The following CDKN2B-AS1 variants were observed in gnomAD, a reference collection of about 807,000 sequenced individuals.
CDKN2B-AS1 encodes CDKN2B and CDKN2A antisense cis and trans regulatory RNA 1, also known as CDKN2B antisense RNA 1 (non-protein coding).
chr9:22,002,995 G>C (rs930738752), intron 1 of CDKN2B-AS1: 2 of 201,926 alleles, frequency 9.9e-6, no homozygotes, highest in East Asian at 1.5e-4. Context: ...TAATGTCTTA[G>C]GTTTAGATAC....
intron 1 of CDKN2B-AS1, among the ~76,000 whole-genome samples, chr9:22,043,139 A>T (rs967480631): frequency 1.3e-5 from 2 of 152,086 alleles, no homozygotes; most frequent in Non-Finnish European, 2.9e-5. Context: ...AGCCATATCA[A>T]TTATTCATTT....
rs111264236 is a variant in CDKN2B-AS1 at position 22,078,743 on chromosome 9, C to T, written n.438+22356C>T. ...GTTTTTAAAATAACTGATTTCCCTT[C>T]AAAATCTTCTTCATTAGGAGTAAAA... On this transcript the variant is annotated intron_variant and non_coding_transcript_variant, in intron 4 of 4. Coordinates refer to ENST00000650946, the Ensembl canonical transcript of CDKN2B-AS1. Among the ~76,000 whole-genome samples the T allele has an allele frequency of 9.0e-3, 1,374 of 152,284 alleles. 19 individuals are homozygous for T. Among genetic ancestry groups the T allele is most frequent in the Non-Finnish European group, 0.012 (784 of 68,018 alleles).
At chr9:21,998,016 G>A (rs954306468) in intron 1 of CDKN2B-AS1, among the ~76,000 whole-genome samples, 7 of 152,132 alleles carry the variant, frequency 4.6e-5, no homozygotes, top group Admixed American at 2.0e-4. Context: ...TATTTCAGAG[G>A]AATGCCATCT....
intron 1 of CDKN2B-AS1, among the ~76,000 whole-genome samples, chr9:22,024,539 G>C (rs1442497134): frequency 1.3e-5 from 2 of 152,222 alleles, no homozygotes; most frequent in Admixed American, 1.3e-4. Flanking sequence ...AAGCAGGAGG[G>C]ATTGCTCAGG....
chr9:22,086,841 C>A (rs10120722), intron 4 of CDKN2B-AS1, among the ~76,000 whole-genome samples: 11,682 of 152,102 alleles, frequency 0.077, 1,495 homozygotes, highest in African/African-American at 0.27. Flanking sequence ...GTATTTTATC[C>A]ATATGGCCCA....
chr9:22,056,395 G>A (rs1823579593), intron 4 of CDKN2B-AS1: 1 of 151,732 alleles, frequency 6.6e-6, no homozygotes, highest in African/African-American at 2.4e-5. Context: ...CAGGTGAGGA[G>A]GTATTCCAAT....
At chr9:22,031,508 A>G (rs73652840) in intron 1 of CDKN2B-AS1, among the ~76,000 whole-genome samples, 35 of 152,334 alleles carry the variant, frequency 2.3e-4, no homozygotes, top group Middle Eastern at 6.8e-3. Context: ...CTTTCTTTAG[A>G]TCAACCCAGT....
chr9:22,037,345 T>C (rs1475548883), intron 1 of CDKN2B-AS1, among the ~76,000 whole-genome samples: 1 of 152,078 alleles, frequency 6.6e-6, no homozygotes, highest in African/African-American at 2.4e-5. Context: ...AGTTTCCCAG[T>C]GTTAACCTCA....
At chr9:22,100,093 G>A (rs377607157) in intron 4 of CDKN2B-AS1, among the ~76,000 whole-genome samples, 3 of 152,112 alleles carry the variant, frequency 2.0e-5, no homozygotes, top group East Asian at 1.9e-4. Context: ...GGATAAAGGC[G>A]ATAGTATTTT....
At chr9:22,009,258 GC>G (rs2069012884) in intron 1 of CDKN2B-AS1, 1 of 534,258 alleles carries the variant, frequency 1.9e-6, no homozygotes, top group African/African-American at 1.9e-5. Flanking sequence ...GCCGCAGGGT[GC>G]GGACGCGTCG....
At chr9:22,038,551 C>G (rs1008819713) in intron 1 of CDKN2B-AS1, among the ~76,000 whole-genome samples, 2 of 151,918 alleles carry the variant, frequency 1.3e-5, no homozygotes, top group Non-Finnish European at 2.9e-5. Flanking sequence ...AATATCCATA[C>G]TTGGGATGGA....
intron 4 of CDKN2B-AS1, among the ~76,000 whole-genome samples, chr9:22,080,116 T>C (rs1434168528): frequency 6.6e-6 from 1 of 152,242 alleles, no homozygotes; most frequent in African/African-American, 2.4e-5. Context: ...GAATGAATAA[T>C]CACCAAAGGC....
intron 4 of CDKN2B-AS1, among the ~76,000 whole-genome samples, chr9:22,068,869 A>G (rs1240024266): frequency 6.6e-6 from 1 of 152,218 alleles, no homozygotes; most frequent in Non-Finnish European, 1.5e-5. Flanking sequence ...AACAAGTAGT[A>G]GCCACATCCA....
At chr9:22,109,337 C>T (rs975933465) in intron 4 of CDKN2B-AS1, among the ~76,000 whole-genome samples, 22 of 152,126 alleles carry the variant, frequency 1.4e-4, no homozygotes, top group Admixed American at 1.0e-3. Context: ...TGAGGGGATT[C>T]GTCTGTACAG....
At position 22,000,667 on chromosome 9, in the gene CDKN2B-AS1, C is replaced by A. The variant is rs184643357; in HGVS notation, n.29+5506C>A. ...AAAACTCTGTGTTGACAATAATCTG[C>A]TGACTTGTCTGTGGGTTTTTGAACA... On this transcript the variant is annotated intron_variant and non_coding_transcript_variant, in intron 1 of 4. Transcript: ENST00000650946. This position sits in a 1 kb window ranked among gnomAD's most constrained non-coding sequence, Gnocchi z 4.1. Among the ~76,000 whole-genome samples the A allele has an allele frequency of 1.3e-5, 2 of 152,260 alleles. No homozygotes were observed. The highest frequency in any genetic ancestry group is 4.8e-5 in the African/African-American group (2 of 41,574).
At chr9:22,021,074 G>T (rs1821995843) in intron 1 of CDKN2B-AS1, among the ~76,000 whole-genome samples, 1 of 152,134 alleles carries the variant, frequency 6.6e-6, no homozygotes, top group African/African-American at 2.4e-5. Flanking sequence ...AAGGGGTCCA[G>T]ATTTAATCTT....
At chr9:22,083,946 C>G (rs1282655036) in intron 4 of CDKN2B-AS1, among the ~76,000 whole-genome samples, 1 of 152,152 alleles carries the variant, frequency 6.6e-6, no homozygotes, top group Non-Finnish European at 1.5e-5. Flanking sequence ...TCAGTTTTCC[C>G]TCAATAATTA....
At chr9:22,118,057 A>T (rs1040778026) in intron 4 of CDKN2B-AS1, 1 of 152,334 alleles carries the variant, frequency 6.6e-6, no homozygotes, top group African/African-American at 2.4e-5. Flanking sequence ...GACTCCTAGG[A>T]CTGTGCTGTC....
intron 1 of CDKN2B-AS1, chr9:22,012,621 G>GAA: frequency 1.8e-5 from 6 of 325,540 alleles, no homozygotes; most frequent in Non-Finnish European, 3.5e-5. Context: ...TCATTGACTG[G>GAA]AAAAAAAAAA....
Sources: gnomAD v4.1 joint callset for allele counts (sites outside exome capture counted in the v4.1 genomes callset) on GRCh38, gnomAD v4.1.1 for gene constraint, Gnocchi (gnomAD v3.1) non-coding constraint, MANE v1.5 for transcripts, NCBI Gene and HGNC (gene_info 2026-07-23, HGNC 2026-07-21) for gene names.